Variants in CYBRD1 observed in about 807,000 individuals in gnomAD.
CYBRD1 encodes cytochrome b reductase 1, also known as plasma membrane ascorbate-dependent reductase CYBRD1.
A neutral mutation model predicts 21.9 loss-of-function variants in CYBRD1; 14 were observed. The observed-to-expected ratio is 0.64, with a 90% CI of 0.42 to 1.00. The LOEUF is 1.00. Among genes scored for constraint, CYBRD1 ranks in the 50% least tolerant of loss-of-function variants. The probability of loss-of-function intolerance (pLI) is 0.00; values close to 1 mark genes in which losing one functional copy is unlikely to be tolerated. For missense variants in CYBRD1, 328 were observed against 352.5 expected (o/e 0.93, Z 0.56); for synonymous variants, 146 against 136.5 (o/e 1.07, Z -0.48).
chr2:171,533,703 C>A (rs527320680), intron 1 of CYBRD1, among the ~76,000 whole-genome samples: 1 of 151,962 alleles, frequency 6.6e-6, no homozygotes, highest in South Asian at 2.1e-4. Context: ...TACATTTTCA[C>A]ATATTCCCAA....
At position 171,554,869 on chromosome 2, in the gene CYBRD1, C is replaced by T; in HGVS notation, c.*42C>T. On this transcript the variant is annotated 3_prime_UTR_variant, in exon 4 of 4. Transcript: ENST00000321348. ...AGCCATATAACGTCACGTTTCAAAA[C>T]TAGCTCTACAGTTTTGCTTCTCCTA... 1 of 1,602,994 alleles carries T rather than the reference C, an allele frequency of 6.2e-7. No individual in the cohort carries two copies. Among genetic ancestry groups the T allele is most frequent in the Non-Finnish European group, 8.5e-7 (1 of 1,172,828 alleles).
intron 1 of CYBRD1, among the ~76,000 whole-genome samples, chr2:171,530,014 T>A (rs1057279662): frequency 2.6e-5 from 4 of 152,086 alleles, no homozygotes; most frequent in African/African-American, 9.7e-5. Flanking sequence ...TTGGTGCCCT[T>A]ATAAGAGAAA....
chr2:171,537,141 T>C (rs1697557106), intron 1 of CYBRD1, among the ~76,000 whole-genome samples: 1 of 151,948 alleles, frequency 6.6e-6, no homozygotes, highest in African/African-American at 2.4e-5. Context: ...AAGGACTCAA[T>C]TGTGTGTGTG....
Position 171,553,446 on chromosome 2 carries a change from GA to G in CYBRD1, c.505del (p.Thr169GlnfsTer2). ...GTTTATTCTGGAATTGTCATCTTTG[GA>G]ACAGTGATTGCAACAGCACTTATGG... is the stretch of plus-strand genomic sequence containing the variant. ...IHVYSGIVIF[G>X]TVIATALMGL... On this transcript the variant is annotated frameshift_variant, in exon 3 of 4. Coordinates refer to ENST00000321348, the MANE Select transcript of CYBRD1 (RefSeq NM_024843.4). LOFTEE classifies it high-confidence loss of function. The G allele has an allele frequency of 6.2e-7, 1 of 1,613,592 alleles. No individual in the cohort carries two copies. Among genetic ancestry groups the G allele is most frequent in the Non-Finnish European group, 8.5e-7 (1 of 1,179,734 alleles).
In CYBRD1 at chr2:171,554,924, A is replaced by T; in HGVS notation, c.*97A>T. 2 of 1,269,558 alleles carry T rather than the reference A, an allele frequency of 1.6e-6. No homozygotes were observed. The highest frequency in any genetic ancestry group is 4.9e-5 in the East Asian group (2 of 40,488). 78.6% of individuals were successfully genotyped at this position (1,269,558 alleles called of 1,614,324 possible). ...CCATATGATAATTGGGCTATGTAGT[A>T]TCAATATTTACTTTAATCACAAAGG... On this transcript the variant is annotated 3_prime_UTR_variant, in exon 4 of 4. Coordinates refer to ENST00000321348, the MANE Select transcript of CYBRD1 (RefSeq NM_024843.4).
chr2:171,522,531 G>C lies in CYBRD1; in HGVS notation c.-15G>C, dbSNP rs753402712. 13 of 1,586,508 alleles carry C rather than the reference G, an allele frequency of 8.2e-6. No homozygotes were observed. Among genetic ancestry groups the C allele is most frequent in the Non-Finnish European group, 8.6e-6 (10 of 1,167,650 alleles). On this transcript the variant is annotated 5_prime_UTR_variant, in exon 1 of 4. Coordinates refer to ENST00000321348, the MANE Select transcript of CYBRD1 (RefSeq NM_024843.4). The surrounding 1 kb of genome is among the most constrained non-coding windows in gnomAD (Gnocchi z 4.3). ...AAGTTCTTGTGGCCCCCGCGGTGCG[G>C]AGTATGGGGCGCTGATGGCCATGGA...
rs561269352 is a variant in CYBRD1, at chr2:171,525,470, G to T, written c.193+2732G>T. Among the ~76,000 whole-genome samples the T allele has an allele frequency of 2.0e-5, 3 of 152,232 alleles. No homozygotes were observed. In the East Asian group the frequency reaches 5.8e-4, roughly 29 times the overall value. On this transcript the variant is annotated intron_variant, in intron 1 of 3. Transcript: ENST00000321348. ...CCACATTCCTCACCCTAAGTATTAG[G>T]AAGGCTCCAGTGGAAGGAGGGGGAG... is the stretch of plus-strand genomic sequence containing the variant.
chr2:171,540,915 AC>A (rs1697621369), intron 1 of CYBRD1: 1 of 152,080 alleles, frequency 6.6e-6, no homozygotes, highest in Admixed American at 6.5e-5. Context: ...TGTGCATGCC[AC>A]CCCATGCCTG....
intron 2 of CYBRD1, among the ~76,000 whole-genome samples, chr2:171,549,913 T>C (rs2105345723): frequency 6.6e-6 from 1 of 152,258 alleles, no homozygotes; most frequent in Admixed American, 6.5e-5. Context: ...ACCTTCTCTT[T>C]TGAGGGTTTT....
intron 2 of CYBRD1, among the ~76,000 whole-genome samples, chr2:171,542,930 C>T (rs1697657093): frequency 6.6e-6 from 1 of 151,872 alleles, no homozygotes; most frequent in African/African-American, 2.4e-5. Flanking sequence ...AAATGGTTCC[C>T]AGAGGAATAT....
intron 2 of CYBRD1, among the ~76,000 whole-genome samples, chr2:171,543,327 TC>T (rs1160121249): frequency 1.3e-5 from 2 of 152,140 alleles, no homozygotes; most frequent in African/African-American, 2.4e-5. Context: ...AGGACTGAGG[TC>T]CCTGTTCCCT....
intron 2 of CYBRD1, among the ~76,000 whole-genome samples, chr2:171,549,230 C>T (rs114698961): frequency 0.024 from 3,644 of 152,218 alleles, 136 homozygotes; most frequent in African/African-American, 0.082. Flanking sequence ...ATTACAGGCC[C>T]ATGCCACCAT....
At position 171,556,499 on chromosome 2, in the gene CYBRD1, C is replaced by T. The variant is rs1683490713; in HGVS notation, c.*1672C>T. On this transcript the variant is annotated 3_prime_UTR_variant, in exon 4 of 4. Transcript: ENST00000321348. ...CCTTCCCTTCAATTTTAAACTGAAG[C>T]ATTTTAATATGGGTAGAAACTCTAC... 6.6e-6 allele frequency: 1 copy of T among 152,146 alleles called. No homozygotes were observed. Among genetic ancestry groups the T allele is most frequent in the Admixed American group, 6.5e-5 (1 of 15,278 alleles). The allele number at this position is 152,146 out of a possible 1,614,324, so 9.4% of individuals were successfully genotyped here. A position where few individuals can be genotyped will look rare whatever the true frequency, so the allele number is the denominator to read the frequency against.
intron 1 of CYBRD1, among the ~76,000 whole-genome samples, chr2:171,526,330 C>G (rs55862034): frequency 0.13 from 19,525 of 151,884 alleles, 1,447 homozygotes; most frequent in Non-Finnish European, 0.18. Flanking sequence ...AAACAAATCT[C>G]CCTCTCCTTC....
chr2:171,550,644 T>C (rs967844295), intron 2 of CYBRD1, among the ~76,000 whole-genome samples: 1 of 152,230 alleles, frequency 6.6e-6, no homozygotes, highest in East Asian at 1.9e-4. Flanking sequence ...CTTTTCCTTT[T>C]AAATGTAATT....
Position 171,553,462 on chromosome 2 carries a change from AGCACTTAT to A in CYBRD1, c.521_528del (p.Ala174GlyfsTer52). The A allele has an allele frequency of 3.7e-6, 6 of 1,613,238 alleles. No individual in the cohort carries two copies. Among genetic ancestry groups the A allele is most frequent in the Non-Finnish European group, 5.1e-6 (6 of 1,179,434 alleles). ...TCATCTTTGGAACAGTGATTGCAAC[AGCACTTAT>A]GGGATTGACAGAGAAACTGATTTTT... On this transcript the variant is annotated frameshift_variant, in exon 3 of 4. Coordinates refer to ENST00000321348, the MANE Select transcript of CYBRD1 (RefSeq NM_024843.4). LOFTEE classifies it low-confidence loss of function (END_TRUNC).
At chr2:171,539,364 G>A (rs1446640505) in intron 1 of CYBRD1, among the ~76,000 whole-genome samples, 2 of 152,030 alleles carry the variant, frequency 1.3e-5, no homozygotes, top group African/African-American at 4.8e-5. Context: ...CATGCCTGCA[G>A]CCCCAGCTAC....
At chr2:171,532,911 G>GTGTA (rs1491316856) in intron 1 of CYBRD1, among the ~76,000 whole-genome samples, 1 of 146,518 alleles carries the variant, frequency 6.8e-6, no homozygotes, top group African/African-American at 2.5e-5. Context: ...GTGTGTGTGT[G>GTGTA]TATGGAAACA....
Position 171,556,441 on chromosome 2 carries a change from A to C in CYBRD1, c.*1614A>C, listed in dbSNP as rs1220801609. 6.6e-6 allele frequency: 1 copy of C among 152,194 alleles called. No homozygotes were observed. The highest frequency in any genetic ancestry group is 1.5e-5 in the Non-Finnish European group (1 of 68,036). The allele number at this position is 152,194 out of a possible 1,614,324, so 9.4% of individuals were successfully genotyped here. On this transcript the variant is annotated 3_prime_UTR_variant, in exon 4 of 4. Transcript: ENST00000321348. ...AACCTAGAGTAGTGCTTATGCTGAA[A>C]TGATACTTTTCATTTTTTGGTTGAT...
Sources: gnomAD v4.1 joint callset for allele counts (sites outside exome capture counted in the v4.1 genomes callset) on GRCh38, gnomAD v4.1.1 for gene constraint, Gnocchi (gnomAD v3.1) non-coding constraint, MANE v1.5 for transcripts, NCBI Gene and HGNC (gene_info 2026-07-23, HGNC 2026-07-21) for gene names.